SMR3B: variants seen among roughly 807,000 people sequenced by gnomAD.
SMR3B encodes the protein submaxillary gland androgen regulated protein 3B, also known as submaxillary gland androgen-regulated protein 3B.
For synonymous variants in SMR3B, 42 were observed against 36.1 expected (o/e 1.16, Z -0.59); for missense variants, 114 against 99.9 (o/e 1.14, Z -0.60).
chr4:70,384,126 C>T (rs568450715), intron 1 of SMR3B, among the ~76,000 whole-genome samples: 28 of 151,804 alleles, frequency 1.8e-4, no homozygotes, highest in African/African-American at 6.5e-4. Context: ...AATGTATCTA[C>T]TATTTTTAAA....
rs33968422 is a variant in SMR3B, at chr4:70,388,273, A to ATTT, written c.55-1382_55-1380dup. ...TTGTTCCTTGCACTACTTTTCAGCTATTTTTTTTTTATTTTTTAAAATAGA... is the reference window on the plus strand; with the variant it reads ...TTGTTCCTTGCACTACTTTTCAGCTATTTTTTTTTTTTTATTTTTTAAAATAGA... On this transcript the variant is annotated intron_variant, in intron 2 of 2. Transcript: ENST00000304915. Among the ~76,000 whole-genome samples the ATTT allele has an allele frequency of 1.1e-4, 16 of 150,652 alleles. No individual in the cohort carries two copies. The East Asian group carries it at 1.2e-3, about 11-fold the overall frequency.
In SMR3B at chr4:70,388,680, G is replaced by T. The variant is rs1291969613; in HGVS notation, c.55-983G>T. On this transcript the variant is annotated intron_variant, in intron 2 of 2. Coordinates refer to ENST00000304915, the MANE Select transcript of SMR3B (RefSeq NM_006685.4). Reference sequence around the variant, plus strand: ...ATTCCACTCATTTCATTTCCCTTTAGATCATATTTATCCTGCCTTGTATTG... The same window carrying T: ...ATTCCACTCATTTCATTTCCCTTTATATCATATTTATCCTGCCTTGTATTG... Among the ~76,000 whole-genome samples, 4 of 152,058 alleles carry T rather than the reference G, an allele frequency of 2.6e-5. No individual in the cohort carries two copies. In the South Asian group the frequency reaches 6.2e-4, roughly 24 times the overall value.
intron 2 of SMR3B, among the ~76,000 whole-genome samples, chr4:70,385,491 C>A (rs1312966663): frequency 6.6e-6 from 1 of 150,822 alleles, no homozygotes; most frequent in East Asian, 1.9e-4. Context: ...GCAAGCTCCG[C>A]CTCCCGGGTT....
rs1381875764 is a variant in SMR3B at position 70,390,204 on chromosome 4, CATTT to C, written c.*359_*362del. ...GTAGAAAAAACCCATGCAGACATAA[CATTT>C]ATACCAATGAGGCAAAAATAAAGAA... On this transcript the variant is annotated 3_prime_UTR_variant, in exon 3 of 3. Transcript: ENST00000304915. 1.8e-6 allele frequency: 1 copy of C among 551,712 alleles called. No individual in the cohort carries two copies. Among genetic ancestry groups the C allele is most frequent in the African/African-American group, 1.9e-5 (1 of 52,686 alleles). The allele number at this position is 551,712 out of a possible 1,614,324, so 34.2% of individuals were successfully genotyped here.
At chr4:70,388,821 T>C (rs1732710130) in intron 2 of SMR3B, among the ~76,000 whole-genome samples, 1 of 152,152 alleles carries the variant, frequency 6.6e-6, no homozygotes, top group Non-Finnish European at 1.5e-5. Context: ...TCACAATTTA[T>C]TAGTGTTCAA....
chr4:70,388,575 C>T (rs140385047), intron 2 of SMR3B, among the ~76,000 whole-genome samples: 1,620 of 152,270 alleles, frequency 0.011, 125 homozygotes, highest in Admixed American at 0.097. Context: ...AAAAAAGAGA[C>T]TCAAACAGGA....
intron 2 of SMR3B, among the ~76,000 whole-genome samples, chr4:70,387,511 T>C (rs542329023): frequency 6.6e-6 from 1 of 152,228 alleles, no homozygotes; most frequent in South Asian, 2.1e-4. Context: ...CTCATTTTCC[T>C]CAGAAAACAA....
chr4:70,383,514 A>G (rs1054326364), intron 1 of SMR3B, among the ~76,000 whole-genome samples: 3 of 152,162 alleles, frequency 2.0e-5, no homozygotes, highest in African/African-American at 7.2e-5. Flanking sequence ...ATAAGGATAG[A>G]ATAGTCTCAG....
In SMR3B at chr4:70,383,196, C is replaced by T. The variant is rs574300950; in HGVS notation, c.-31C>T. 19 of 152,152 alleles carry T rather than the reference C, an allele frequency of 1.2e-4. No individual in the cohort carries two copies. The highest frequency in any genetic ancestry group is 4.3e-4 in the African/African-American group (18 of 41,542). 9.4% of individuals were successfully genotyped at this position (152,152 alleles called of 1,614,324 possible). Reference sequence around the variant, plus strand: ...ACCAGCAGATTAATCAACTGTAAGACAGATCCTCACACAAAGGTAGGTACT... The same window carrying T: ...ACCAGCAGATTAATCAACTGTAAGATAGATCCTCACACAAAGGTAGGTACT... On this transcript the variant is annotated 5_prime_UTR_variant, in exon 1 of 3. Transcript: ENST00000304915.
chr4:70,385,400 T>G (rs1218921933), intron 2 of SMR3B, among the ~76,000 whole-genome samples: 1 of 5,142 alleles, frequency 1.9e-4, no homozygotes, highest in Non-Finnish European at 1.2e-3. Context: ...TCTACTTTGT[T>G]TTTTTTTTTT....
intron 2 of SMR3B, 83 bp from the exon 3 acceptor site, chr4:70,389,580 T>C: frequency 7.1e-7 from 1 of 1,405,026 alleles, no homozygotes; most frequent in Non-Finnish European, 9.9e-7. Context: ...CATCTCAGAG[T>C]TCTGCTTACC....
intron 2 of SMR3B, among the ~76,000 whole-genome samples, chr4:70,387,687 A>G (rs1732689573): frequency 6.6e-6 from 1 of 152,140 alleles, no homozygotes; most frequent in African/African-American, 2.4e-5. Context: ...ATCTTGGTGA[A>G]GCAGGAGAAA....
intron 1 of SMR3B, among the ~76,000 whole-genome samples, chr4:70,383,554 A>G: frequency 6.6e-6 from 1 of 152,148 alleles, no homozygotes; most frequent in East Asian, 1.9e-4. Context: ...ATTGCTCTAC[A>G]GAATATTTTT....
At chr4:70,387,267 T>A (rs752130039) in intron 2 of SMR3B, among the ~76,000 whole-genome samples, 2 of 152,102 alleles carry the variant, frequency 1.3e-5, no homozygotes, top group Non-Finnish European at 2.9e-5. Flanking sequence ...TAGGTGAAAG[T>A]GTAAGAGTAG....
chr4:70,390,015 C>G lies in SMR3B; in HGVS notation c.*167C>G. The G allele has an allele frequency of 7.7e-6, 10 of 1,298,368 alleles. No homozygotes were observed. Among genetic ancestry groups the G allele is most frequent in the Non-Finnish European group, 1.1e-5 (10 of 894,400 alleles). The allele number at this position is 1,298,368 out of a possible 1,614,324, so 80.4% of individuals were successfully genotyped here. ...ACTGCAGCAGGTGCCACCACCACCA[C>G]AAAAGACACCACTACCCTTGTAACT... On this transcript the variant is annotated 3_prime_UTR_variant, in exon 3 of 3. Transcript: ENST00000304915.
intron 2 of SMR3B, among the ~76,000 whole-genome samples, chr4:70,388,993 C>A (rs934818304): frequency 5.9e-5 from 9 of 152,108 alleles, no homozygotes; most frequent in African/African-American, 2.2e-4. Flanking sequence ...TCAATACTAT[C>A]CCTGCTTTCA....
chr4:70,386,528 C>G (rs1427786317), intron 2 of SMR3B, among the ~76,000 whole-genome samples: 2 of 151,886 alleles, frequency 1.3e-5, no homozygotes, highest in Non-Finnish European at 2.9e-5. Context: ...GTATCCGTGT[C>G]TTAGATGGAC....
chr4:70,389,267 C>CTTTTT (rs550584751), intron 2 of SMR3B, among the ~76,000 whole-genome samples: 4 of 152,058 alleles, frequency 2.6e-5, no homozygotes, highest in Non-Finnish European at 5.9e-5. Flanking sequence ...GCTCAGTGTC[C>CTTTTT]TTTTTTAAGC....
At chr4:70,387,362 TAAG>T (rs1560528504) in intron 2 of SMR3B, among the ~76,000 whole-genome samples, 1 of 152,114 alleles carries the variant, frequency 6.6e-6, no homozygotes, top group Admixed American at 6.5e-5. Flanking sequence ...AGAGATATGA[TAAG>T]AAGTGGTTAG....
Sources: gnomAD v4.1 joint callset for allele counts (sites outside exome capture counted in the v4.1 genomes callset) on GRCh38, gnomAD v4.1.1 for gene constraint, MANE v1.5 for transcripts, NCBI Gene and HGNC (gene_info 2026-07-23, HGNC 2026-07-21) for gene names.